SDAD1: variants seen among roughly 807,000 people sequenced by gnomAD.
SDAD1 encodes the protein SDA1 domain containing 1.
SDAD1 carries 79 observed loss-of-function variants against 100.3 expected under a neutral mutation model. That is an observed-to-expected ratio of 0.79 (90% CI 0.66 to 0.95). The LOEUF is 0.95. Among genes scored for constraint, SDAD1 ranks in the 40% least tolerant of loss-of-function variants. SDAD1 has a pLI of 0.00. For missense variants in SDAD1, 790 were observed against 810.9 expected, an observed-to-expected ratio of 0.97 and a Z score of 0.31; for synonymous variants, 267 against 271.4, an observed-to-expected ratio of 0.98 and a Z score of 0.16.
At chr4:75,969,201 T>TA in intron 11 of SDAD1, 95 bp downstream of exon 11, 1 of 785,600 alleles carries the variant, frequency 1.3e-6, no homozygotes, top group East Asian at 2.6e-5. Flanking sequence ...GTATGAGGGA[T>TA]AAAATTAAGC....
chr4:75,982,201 A>T (rs551296951), intron 1 of SDAD1, among the ~76,000 whole-genome samples, 164 bp from the exon 2 acceptor site: 2 of 152,374 alleles, frequency 1.3e-5, no homozygotes, highest in East Asian at 3.9e-4. Flanking sequence ...TGCATTCTTC[A>T]AAGTGCGCTT....
In SDAD1 at chr4:75,990,811, T is replaced by G; in HGVS notation, c.31A>C (p.Ser11Arg). 6.2e-7 allele frequency: 1 copy of G among 1,614,174 alleles called. No individual in the cohort carries two copies. The highest frequency in any genetic ancestry group is 1.1e-5 in the South Asian group (1 of 91,084). Residue 11 changes from serine (S) to arginine (R), a missense_variant, in exon 1 of 22, where the codon AGC (serine) becomes CGC (arginine). Physicochemically the swap from Ser to Arg is moderately radical, Grantham distance 110 (BLOSUM62 -1). Coordinates refer to ENST00000356260, the MANE Select transcript of SDAD1 (RefSeq NM_018115.4). MSNRNNNKLP[S>R]NLPQLQNLIK... Reference sequence around the variant, plus strand: ...AGATTCTGTAACTGCGGCAGGTTGCTGGGAAGCTTGTTGTTGTTTCTGTTG... The same window carrying G: ...AGATTCTGTAACTGCGGCAGGTTGCGGGGAAGCTTGTTGTTGTTTCTGTTG...
At chr4:75,957,265 G>A (rs1728949543) in intron 20 of SDAD1, 60 bp downstream of exon 20, 9 of 1,422,974 alleles carry the variant, frequency 6.3e-6, no homozygotes, top group African/African-American at 1.4e-5. Flanking sequence ...ACAAGTTCTG[G>A]CTTATGTTTC....
Position 75,990,922 on chromosome 4 carries a change from G to T in SDAD1, c.-81C>A. ...CACCCCGCAATCCCTGCCAGCTGCA[G>T]CTTGGACTCGTGTTTCCGGGTATGA... is the stretch of plus-strand genomic sequence containing the variant. On this transcript the variant is annotated 5_prime_UTR_variant, in exon 1 of 22. The change creates a new upstream start codon in the 5' untranslated region. Coordinates refer to ENST00000356260, the MANE Select transcript of SDAD1 (RefSeq NM_018115.4). The T allele has an allele frequency of 6.5e-7, 1 of 1,544,958 alleles. No individual in the cohort carries two copies.
intron 10 of SDAD1, among the ~76,000 whole-genome samples, 184 bp from the exon 11 acceptor site, chr4:75,969,583 A>C (rs1421769382): frequency 1.3e-5 from 2 of 152,232 alleles, no homozygotes; most frequent in African/African-American, 4.8e-5. Flanking sequence ...TAGCATCAAC[A>C]TCTAGAGTGA....
chr4:75,955,871 C>T, intron 21 of SDAD1, 104 bp downstream of exon 21: 1 of 1,305,956 alleles, frequency 7.7e-7, no homozygotes, highest in Non-Finnish European at 1.1e-6. Context: ...CCAAGACACA[C>T]ACAATAATGC....
intron 17 of SDAD1, among the ~76,000 whole-genome samples, chr4:75,959,606 A>G (rs1022691229): frequency 3.4e-5 from 5 of 146,820 alleles, no homozygotes; most frequent in African/African-American, 7.5e-5. Context: ...CAACGTGAGG[A>G]AAAAAAAAAA....
chr4:75,985,304 G>A (rs1209562338), intron 1 of SDAD1, among the ~76,000 whole-genome samples: 1 of 152,092 alleles, frequency 6.6e-6, no homozygotes, highest in African/African-American at 2.4e-5. Context: ...AAATCAAACA[G>A]CCCAGTCATT....
chr4:75,950,862 C>A, intron 21 of SDAD1, 65 bp from the exon 22 acceptor site: 1 of 1,120,562 alleles, frequency 8.9e-7, no homozygotes, highest in Non-Finnish European at 1.3e-6. Flanking sequence ...AATTTGGTTA[C>A]ATGAAAGTTT....
At chr4:75,977,379 T>C (rs1240658042) in intron 4 of SDAD1, among the ~76,000 whole-genome samples, 2 of 152,176 alleles carry the variant, frequency 1.3e-5, no homozygotes, top group Non-Finnish European at 2.9e-5. Context: ...CCCTTTCATC[T>C]GCAAAGTAAG....
At chr4:75,981,295 G>A in intron 3 of SDAD1, 77 bp downstream of exon 3, 1 of 1,305,354 alleles carries the variant, frequency 7.7e-7, no homozygotes, top group South Asian at 1.3e-5. Context: ...TAGCTTAGAG[G>A]CTGTTCTCAT....
Position 75,957,872 on chromosome 4 carries a change from G to T in SDAD1, c.1553C>A (p.Ser518Tyr). The stretch of plus-strand genomic sequence containing the variant: ...GATTTCTTGCTGTTCTTCATCGGAA[G>T]AGTGTTGCACATCAATCCATTCACC... ...ADGEWIDVQH[S>Y]SDEEQQEISK... Residue 518 changes from serine to tyrosine, a missense_variant, in exon 18 of 22, where the codon TCT becomes TAT. Ser to Tyr is a moderately radical substitution (Grantham distance 144). Transcript: ENST00000356260. 1.2e-6 allele frequency: 2 copies of T among 1,613,876 alleles called. No homozygotes were observed. Among genetic ancestry groups the T allele is most frequent in the Non-Finnish European group, 1.7e-6 (2 of 1,179,992 alleles).
rs1730236141 is a variant in SDAD1, at chr4:75,977,737, A to G, written c.314T>C (p.Ile105Thr). 6.2e-7 allele frequency: 1 copy of G among 1,611,094 alleles called. No homozygotes were observed. ...DLRMTFCKALILLRNKNLINP... is the reference protein window; with the variant it reads ...DLRMTFCKALTLLRNKNLINP... Reference sequence around the variant, plus strand: ...GATGAGATTCTTATTTCTCAGCAAGATCAAAGCTTTGCAAAATGTCTCGGG... The same window carrying G: ...GATGAGATTCTTATTTCTCAGCAAGGTCAAAGCTTTGCAAAATGTCTCGGG... Residue 105 changes from isoleucine to threonine, a missense_variant, in exon 4 of 22, where the codon ATC (isoleucine) becomes ACC (threonine). By Grantham distance (89) the Ile-to-Thr change is moderately conservative (BLOSUM62 -1). Coordinates refer to ENST00000356260, the MANE Select transcript of SDAD1 (RefSeq NM_018115.4).
chr4:75,957,606 T>C lies in SDAD1; in HGVS notation c.1681A>G (p.Met561Val), dbSNP rs140119300. ...TCAAGTTCTTTTCTCATTTGGGCCA[T>C]GCGGATTTTCTGGAAGTCTTCCTGA... ...LTQEDFQKIR[M>V]AQMRKELDAA... Residue 561 changes from methionine (M) to valine (V), a missense_variant, in exon 19 of 22, where the codon ATG (methionine) becomes GTG (valine). Physicochemically the swap from Met to Val is conservative, Grantham distance 21. Coordinates refer to ENST00000356260, the MANE Select transcript of SDAD1 (RefSeq NM_018115.4). The C allele has an allele frequency of 4.0e-5, 65 of 1,614,180 alleles. 1 individual carries two copies. In the African/African-American group the frequency reaches 6.9e-4, roughly 17 times the overall value.
chr4:75,976,131 C>A (rs1443959070), intron 4 of SDAD1, 136 bp from the exon 5 acceptor site: 1 of 587,016 alleles, frequency 1.7e-6, no homozygotes, highest in Non-Finnish European at 2.9e-6. Context: ...GAAACCCAAA[C>A]CAAGCAAACA....
rs72865919 is a variant in SDAD1 at position 75,978,710 on chromosome 4, C to T, written c.295-954G>A. Among the ~76,000 whole-genome samples, 1,057 of 151,864 alleles carry T rather than the reference C, an allele frequency of 7.0e-3. 18 individuals carry two copies. The highest frequency in any genetic ancestry group is 0.024 in the African/African-American group (990 of 41,436). ...CAAGGGCAAGGCTGGGCATGGTGGCCCACACCCATAATCTCAGCACTTTGG... is the reference window on the plus strand; with the variant it reads ...CAAGGGCAAGGCTGGGCATGGTGGCTCACACCCATAATCTCAGCACTTTGG... On this transcript the variant is annotated intron_variant, in intron 3 of 21. Transcript: ENST00000356260.
rs1161969713 is a variant in SDAD1, at chr4:75,957,830, G to A, written c.1578+17C>T. The A allele has an allele frequency of 4.3e-6, 7 of 1,613,660 alleles. No individual in the cohort carries two copies. The highest frequency in any genetic ancestry group is 5.9e-6 in the Non-Finnish European group (7 of 1,179,594). ...CTTAATAAACACCAGGTTATAAGAT[G>A]AAATTTTCAGACTTACGATTTCTTG... On this transcript the variant is annotated intron_variant, in intron 18 of 21. Transcript: ENST00000356260.
intron 3 of SDAD1, among the ~76,000 whole-genome samples, chr4:75,980,007 T>G (rs74788875): frequency 1.1e-5 from 1 of 90,684 alleles, no homozygotes; most frequent in African/African-American, 3.1e-5. Flanking sequence ...TATATATTAA[T>G]TTAATAATGC....
chr4:75,963,763 A>C lies in SDAD1; in HGVS notation c.1181+372T>G, dbSNP rs151127947. 1.8e-3 allele frequency among the ~76,000 whole-genome samples: 272 copies of C among 152,280 alleles called. 1 individual carries two copies. Among genetic ancestry groups the C allele is most frequent in the Middle Eastern group, 6.8e-3 (2 of 294 alleles). ...GAGGCCCCCACCAGGTGCCAGACAG[A>C]CACCAATGCCATGCCCTTGGACTTC... On this transcript the variant is annotated intron_variant, in intron 14 of 21. Coordinates refer to ENST00000356260, the MANE Select transcript of SDAD1 (RefSeq NM_018115.4).
Sources: gnomAD v4.1 joint callset for allele counts (sites outside exome capture counted in the v4.1 genomes callset) on GRCh38, gnomAD v4.1.1 for gene constraint, MANE v1.5 for transcripts, NCBI Gene and HGNC (gene_info 2026-07-23, HGNC 2026-07-21) for gene names.